The following FOXP1 variants were observed in gnomAD, a reference collection of about 807,000 sequenced individuals.
The protein encoded by FOXP1 is forkhead box protein P1.
FOXP1 carries 15 observed loss-of-function variants against 98.2 expected under a neutral mutation model. The ratio of observed to expected loss-of-function variants is 0.15; its 90% confidence interval spans 0.10 to 0.24. The LOEUF (loss-of-function observed/expected upper bound fraction) is 0.24, where lower values mean the gene tolerates loss of function less well. FOXP1 is among the 10% of genes least tolerant of loss of function. FOXP1 has a pLI of 1.00. For missense variants in FOXP1, 633 were observed against 848.5 expected, an observed-to-expected ratio of 0.75 and a Z score of 3.15; for synonymous variants, 371 against 314.5, an observed-to-expected ratio of 1.18 and a Z score of -1.90.
intron 4 of FOXP1, among the ~76,000 whole-genome samples, chr3:71,318,788 G>C (rs1463372824): frequency 1.3e-5 from 2 of 152,172 alleles, no homozygotes; most frequent in African/African-American, 4.8e-5. Context: ...ATAACTTAAA[G>C]ATAAACTAAG....
At chr3:71,515,433 C>CAG (rs71621948) in intron 2 of FOXP1, among the ~76,000 whole-genome samples, 1 of 96,974 alleles carries the variant, frequency 1.0e-5, no homozygotes, top group Non-Finnish European at 2.1e-5. Flanking sequence ...ATTTACACAG[C>CAG]AAAAAAAAAA....
intron 6 of FOXP1, among the ~76,000 whole-genome samples, chr3:71,177,812 C>G (rs1202868343): frequency 6.7e-6 from 1 of 148,838 alleles, no homozygotes; most frequent in Admixed American, 6.7e-5. Context: ...ACTAATAATA[C>G]TGATAGTTTA....
intron 3 of FOXP1, among the ~76,000 whole-genome samples, chr3:71,402,546 G>A (rs1278453169): frequency 1.3e-5 from 2 of 152,148 alleles, no homozygotes; most frequent in African/African-American, 4.8e-5. Flanking sequence ...TTCTAGCAGG[G>A]TAAGTGAGAT....
chr3:71,030,335 T>G (rs542510001), intron 11 of FOXP1, among the ~76,000 whole-genome samples: 1 of 152,234 alleles, frequency 6.6e-6, no homozygotes. Context: ...TTGCTTCTGA[T>G]GTGCCCTTAG....
At chr3:71,272,562 T>C (rs1463998228) in intron 5 of FOXP1, among the ~76,000 whole-genome samples, 3 of 116,230 alleles carry the variant, frequency 2.6e-5, no homozygotes, top group Non-Finnish European at 5.1e-5. Flanking sequence ...CCACCCCGGG[T>C]ATCTGATCCC....
intron 7 of FOXP1, among the ~76,000 whole-genome samples, chr3:71,108,867 G>A (rs2057669875): frequency 6.6e-6 from 1 of 152,210 alleles, no homozygotes; most frequent in Non-Finnish European, 1.5e-5. Context: ...GGCAGGGTGT[G>A]TATCTTCAAC....
rs149187529 is a variant in FOXP1 at position 71,258,755 on chromosome 3, T to A, written c.-12+41065A>T. The stretch of plus-strand genomic sequence containing the variant: ...GGCTTTAAGTGTGGGAACCTATCTT[T>A]TTGAACTGAAGCAATTCTGTGTCTA... On this transcript the variant is annotated intron_variant, in intron 5 of 20. Coordinates refer to ENST00000649528, the MANE Select transcript of FOXP1 (RefSeq NM_001349338.3). Among the ~76,000 whole-genome samples, 1,414 of 152,278 alleles carry A rather than the reference T, an allele frequency of 9.3e-3. 12 individuals are homozygous for A. Among genetic ancestry groups the A allele is most frequent in the Non-Finnish European group, 0.014 (955 of 68,012 alleles).
At chr3:71,181,724 T>A (rs1387207789) in intron 6 of FOXP1, among the ~76,000 whole-genome samples, 1 of 151,794 alleles carries the variant, frequency 6.6e-6, no homozygotes, top group East Asian at 1.9e-4. Context: ...TGGGGAGCAG[T>A]GGTGGAAATT....
chr3:71,383,253 G>A (rs560077111), intron 3 of FOXP1, among the ~76,000 whole-genome samples: 1 of 152,268 alleles, frequency 6.6e-6, no homozygotes, highest in South Asian at 2.1e-4. Context: ...CCTTTCTTTG[G>A]CATCCTTAAT....
chr3:71,530,063 G>A (rs999255466), intron 2 of FOXP1, among the ~76,000 whole-genome samples: 3 of 152,108 alleles, frequency 2.0e-5, no homozygotes, highest in African/African-American at 7.2e-5. Flanking sequence ...CCAGGTAGAT[G>A]GTGTCAGAAC....
At chr3:71,268,432 G>A (rs1485204337) in intron 5 of FOXP1, among the ~76,000 whole-genome samples, 2 of 152,194 alleles carry the variant, frequency 1.3e-5, no homozygotes, top group Non-Finnish European at 2.9e-5. Flanking sequence ...GAAAGTTGGG[G>A]GGGTAGTGGG....
At chr3:71,226,103 C>A (rs1032849628) in intron 5 of FOXP1, among the ~76,000 whole-genome samples, 4 of 152,238 alleles carry the variant, frequency 2.6e-5, no homozygotes, top group African/African-American at 9.6e-5. Context: ...TTTTTACAGT[C>A]ACTTTGCTTA....
intron 2 of FOXP1, among the ~76,000 whole-genome samples, chr3:71,514,030 T>G (rs972195078): frequency 6.6e-6 from 1 of 152,222 alleles, no homozygotes; most frequent in South Asian, 2.1e-4. Flanking sequence ...AATTCTGTGA[T>G]TCCCAAATAA....
At position 71,396,995 on chromosome 3, in the gene FOXP1, CACATATATATGTGTATATATATAT is replaced by C. The variant is rs1560424804; in HGVS notation, c.-167-37775_-167-37752del. On this transcript the variant is annotated intron_variant, in intron 3 of 20. Transcript: ENST00000649528. ...ATATATATATATGTGTATATATATA[CACATATATATGTGTATATATATAT>C]ATATACATATATATGTGTATATATA... Among the ~76,000 whole-genome samples the C allele has an allele frequency of 1.5e-4, 7 of 46,126 alleles. 1 individual carries two copies. Among genetic ancestry groups the C allele is most frequent in the Non-Finnish European group, 2.4e-4 (6 of 25,272 alleles). The allele number at this position is 46,126 out of a possible 152,430, so 30.3% of individuals were successfully genotyped here. A position where few individuals can be genotyped will look rare whatever the true frequency, so the allele number is the denominator to read the frequency against.
chr3:71,267,933 G>A (rs898362381), intron 5 of FOXP1, among the ~76,000 whole-genome samples: 1 of 150,546 alleles, frequency 6.6e-6, no homozygotes, highest in Non-Finnish European at 1.5e-5. Context: ...CAGAAGAATC[G>A]CTTGAACTTG....
At chr3:71,487,854 A>G (rs1407216717) in intron 3 of FOXP1, among the ~76,000 whole-genome samples, 1 of 152,224 alleles carries the variant, frequency 6.6e-6, no homozygotes, top group African/African-American at 2.4e-5. Flanking sequence ...CCTTTATTAC[A>G]AAGTTGGATC....
chr3:71,544,608 C>T (rs536900687), intron 2 of FOXP1, among the ~76,000 whole-genome samples: 59 of 152,298 alleles, frequency 3.9e-4, no homozygotes, highest in South Asian at 8.3e-4. Context: ...AAGCCCAAGA[C>T]ATTTAAAGAC....
At chr3:71,077,585 G>T (rs2053929776) in intron 7 of FOXP1, among the ~76,000 whole-genome samples, 1 of 152,110 alleles carries the variant, frequency 6.6e-6, no homozygotes, top group Non-Finnish European at 1.5e-5. Flanking sequence ...AATTTGGGGT[G>T]TTCCCACTTC....
At chr3:71,064,951 G>C in intron 7 of FOXP1, 1 of 222,074 alleles carries the variant, frequency 4.5e-6, no homozygotes, top group Non-Finnish European at 7.4e-6. Flanking sequence ...TCCGGCTCGC[G>C]GGCTGACAAG....
Sources: allele counts gnomAD v4.1 joint callset (sites outside exome capture counted in the v4.1 genomes callset), GRCh38; gene constraint gnomAD v4.1.1; transcripts MANE v1.5; gene names NCBI Gene and HGNC (gene_info 2026-07-23, HGNC 2026-07-21).